Variants in CHRM2 observed in about 807,000 individuals in gnomAD.
The protein encoded by CHRM2 is cholinergic receptor muscarinic 2, also known as muscarinic acetylcholine receptor M2.
CHRM2 carries 8 observed loss-of-function variants against 25.0 expected under a neutral mutation model. The ratio of observed to expected loss-of-function variants is 0.32; its 90% CI spans 0.19 to 0.58. The LOEUF (loss-of-function observed/expected upper bound fraction) is 0.58. Ranked by LOEUF, CHRM2 falls within the 20% of genes least tolerant of loss-of-function variation. The pLI, the probability that CHRM2 is intolerant of heterozygous loss-of-function variation, is 0.88. For missense variants in CHRM2, 440 were observed against 567.1 expected (o/e 0.78, Z 2.28); for synonymous variants, 202 against 205.7 (o/e 0.98, Z 0.15).
Position 137,016,321 on chromosome 7 carries a change from G to T in CHRM2, c.*55G>T. On this transcript the variant is annotated 3_prime_UTR_variant, in exon 4 of 4. Coordinates refer to ENST00000680005, the MANE Select transcript of CHRM2 (RefSeq NM_001006630.2). ...AAGGGGAGCTTGAGAAGAATAAAAG[G>T]GATAAACGAGCTCCTAGTTTTAAAA... is the stretch of plus-strand genomic sequence containing the variant. 6.6e-7 allele frequency: 1 copy of T among 1,523,288 alleles called. No individual in the cohort carries two copies. The highest frequency in any genetic ancestry group is 1.1e-5 in the South Asian group (1 of 88,640). The allele number at this position is 1,523,288 out of a possible 1,614,324, so 94.4% of individuals were successfully genotyped here.
intron 2 of CHRM2, among the ~76,000 whole-genome samples, chr7:136,977,767 C>A (rs886095872): frequency 7.2e-5 from 11 of 152,108 alleles, no homozygotes; most frequent in African/African-American, 2.7e-4. Flanking sequence ...AATCATTTTT[C>A]TTGTTGCAAT....
rs1799550987 is a variant in CHRM2, at chr7:136,938,479, A to T, written c.-124-53708A>T. The T allele has an allele frequency of 1.8e-5, 20 of 1,107,386 alleles. No individual in the cohort carries two copies. The South Asian group carries it at 2.5e-4, about 14-fold the overall frequency. 68.6% of individuals were successfully genotyped at this position (1,107,386 alleles called of 1,614,324 possible). On this transcript the variant is annotated intron_variant, in intron 2 of 3. Transcript: ENST00000680005. Reference sequence around the variant, plus strand: ...CTTCCCCTGGATGCGCACGGCCTGGATGTTGGGGTTCACCTCTAGGATAAG... The same window carrying T: ...CTTCCCCTGGATGCGCACGGCCTGGTTGTTGGGGTTCACCTCTAGGATAAG...
At chr7:136,899,532 A>G (rs1252012672) in intron 2 of CHRM2, 1 of 152,132 alleles carries the variant, frequency 6.6e-6, no homozygotes, top group Non-Finnish European at 1.5e-5. Flanking sequence ...CTGTTGGCTA[A>G]GAAGTATGAT....
At position 137,017,242 on chromosome 7, in the gene CHRM2, AC is replaced by A. The variant is rs1332562592; in HGVS notation, c.*978del. The A allele has an allele frequency of 3.6e-4, 54 of 151,962 alleles. No homozygotes were observed. Among genetic ancestry groups the A allele is most frequent in the African/African-American group, 1.3e-3 (53 of 41,420 alleles). 9.4% of individuals were successfully genotyped at this position (151,962 alleles called of 1,614,324 possible). A position where few individuals can be genotyped will look rare whatever the true frequency, so the allele number is the denominator to read the frequency against. ...ATTAAATAATGGACTATCTAGTTGG[AC>A]CAAGTTTATTAAAGTCAGGTGAATT... On this transcript the variant is annotated 3_prime_UTR_variant, in exon 4 of 4. Transcript: ENST00000680005.
chr7:136,941,787 G>T (rs1359998311), intron 2 of CHRM2, among the ~76,000 whole-genome samples: 1 of 152,146 alleles, frequency 6.6e-6, no homozygotes, highest in Non-Finnish European at 1.5e-5. Context: ...AGGGAGAAGA[G>T]GTATCCTTGT....
chr7:136,992,034 G>A (rs1803266381), intron 2 of CHRM2, among the ~76,000 whole-genome samples, 153 bp from the exon 3 acceptor site: 1 of 152,118 alleles, frequency 6.6e-6, no homozygotes, highest in Non-Finnish European at 1.5e-5. Flanking sequence ...ATGTACTTCA[G>A]ATGTTGGTGT....
chr7:136,919,927 ATG>A (rs1798334763), intron 2 of CHRM2, among the ~76,000 whole-genome samples: 3 of 152,112 alleles, frequency 2.0e-5, no homozygotes, highest in Admixed American at 2.0e-4. Context: ...TATTTATCTC[ATG>A]GTGACGTGGT....
intron 2 of CHRM2, among the ~76,000 whole-genome samples, chr7:136,872,611 A>AAAAC (rs1291786917): frequency 6.6e-6 from 1 of 152,178 alleles, no homozygotes; most frequent in East Asian, 1.9e-4. Context: ...AGATCCAAAG[A>AAAAC]AAACAGTCCC....
chr7:137,016,064 G>C lies in CHRM2; in HGVS notation c.1199G>C (p.Trp400Ser), dbSNP rs1805169525. ...ATTCTGTTGGCTTTCATCATCACTTGGGCCCCATACAATGTCATGGTGCTC... is the reference window on the plus strand; with the variant it reads ...ATTCTGTTGGCTTTCATCATCACTTCGGCCCCATACAATGTCATGGTGCTC... ...LAILLAFIIT[W>S]APYNVMVLIN... Residue 400 changes from tryptophan (W) to serine (S), a missense_variant, in exon 4 of 4, where the codon TGG becomes TCG. This residue lies in a region of CHRM2 where 65 missense variants were observed against 108.9 expected (regional missense o/e 0.60). Transcript: ENST00000680005. 1 of 1,612,542 alleles carries C rather than the reference G, an allele frequency of 6.2e-7. No homozygotes were observed. The highest frequency in any genetic ancestry group is 1.3e-5 in the African/African-American group (1 of 74,698).
At chr7:136,877,019 C>A (rs1796076348) in intron 2 of CHRM2, among the ~76,000 whole-genome samples, 1 of 151,974 alleles carries the variant, frequency 6.6e-6, no homozygotes, top group Admixed American at 6.6e-5. Context: ...GATTTTTAAC[C>A]AGCCCCTTCC....
intron 2 of CHRM2, chr7:136,938,576 C>A (rs1799559433): frequency 3.4e-6 from 3 of 890,776 alleles, no homozygotes; most frequent in Non-Finnish European, 5.7e-6. Flanking sequence ...CCCACCATAG[C>A]CGCTGCCCAG....
intron 3 of CHRM2, among the ~76,000 whole-genome samples, chr7:137,006,326 G>C (rs1262502847): frequency 6.6e-6 from 1 of 152,078 alleles, no homozygotes; most frequent in Non-Finnish European, 1.5e-5. Flanking sequence ...GTAGTGACAA[G>C]GACAAAGGTC....
In CHRM2 at chr7:136,921,320, C is replaced by G. The variant is rs187813404; in HGVS notation, c.-125+51902C>G. On this transcript the variant is annotated intron_variant, in intron 2 of 3. Transcript: ENST00000680005. Reference sequence around the variant, plus strand: ...TAGTAATTTAGTCTCTCAATCCCTTCTCTTCATTGTCTCCAGTGAGGTCTG... The same window carrying G: ...TAGTAATTTAGTCTCTCAATCCCTTGTCTTCATTGTCTCCAGTGAGGTCTG... Among the ~76,000 whole-genome samples, 18 of 152,240 alleles carry G rather than the reference C, an allele frequency of 1.2e-4. No individual in the cohort carries two copies. The East Asian group carries it at 1.9e-3, about 16-fold the overall frequency.
intron 2 of CHRM2, among the ~76,000 whole-genome samples, chr7:136,872,337 G>A (rs1795873413): frequency 6.6e-6 from 1 of 152,192 alleles, no homozygotes; most frequent in Non-Finnish European, 1.5e-5. Flanking sequence ...GTCAGATGTG[G>A]AAAGAACTAG....
At chr7:137,014,127 A>G (rs1805011226) in intron 3 of CHRM2, among the ~76,000 whole-genome samples, 1 of 152,030 alleles carries the variant, frequency 6.6e-6, no homozygotes, top group African/African-American at 2.4e-5. Context: ...TCAGTTCAAT[A>G]TGCATTTAAT....
intron 2 of CHRM2, among the ~76,000 whole-genome samples, chr7:136,980,806 T>C (rs1223255066): frequency 1.3e-5 from 2 of 152,186 alleles, no homozygotes; most frequent in Non-Finnish European, 2.9e-5. Flanking sequence ...TTGATCATAG[T>C]GGATAAGCTT....
intron 2 of CHRM2, among the ~76,000 whole-genome samples, chr7:136,873,298 G>A (rs568301714): frequency 2.0e-5 from 3 of 152,282 alleles, no homozygotes; most frequent in Non-Finnish European, 2.9e-5. Flanking sequence ...TGGTGGAGGT[G>A]GTATGTGGGG....
At chr7:136,896,900 T>A (rs76266113) in intron 2 of CHRM2, among the ~76,000 whole-genome samples, 2 of 151,928 alleles carry the variant, frequency 1.3e-5, no homozygotes, top group African/African-American at 4.8e-5. Flanking sequence ...AGAGATATGA[T>A]TGATTTGTTT....
intron 3 of CHRM2, among the ~76,000 whole-genome samples, chr7:137,004,630 A>G (rs1348195894): frequency 6.6e-6 from 1 of 152,142 alleles, no homozygotes; most frequent in Non-Finnish European, 1.5e-5. Context: ...TAAACCAAAA[A>G]GTCATTTCAT....
Sources: gnomAD v4.1 joint callset for allele counts (sites outside exome capture counted in the v4.1 genomes callset) on GRCh38, gnomAD v4.1.1 for gene constraint, gnomAD v4.1.1 regional missense constraint, MANE v1.5 for transcripts, NCBI Gene and HGNC (gene_info 2026-07-23, HGNC 2026-07-21) for gene names.